Variants in FAM199X observed in about 807,000 individuals in gnomAD.
The protein encoded by FAM199X is family with sequence similarity 199, X-linked, also known as protein FAM199X.
Under a neutral mutation model 22.9 loss-of-function variants are expected in FAM199X, and 4 were observed. The observed-to-expected ratio is 0.17, with a 90% CI of 0.09 to 0.40. FAM199X has a LOEUF of 0.40. Among genes scored for constraint, FAM199X ranks in the 10% least tolerant of loss-of-function variants. The pLI is 1.00. For missense variants in FAM199X, 183 were observed against 306.8 expected (o/e 0.60, Z 3.01); for synonymous variants, 101 against 112.3 (o/e 0.90, Z 0.64).
chrX:104,182,567 C>G (rs1243210480), intron 2 of FAM199X, among the ~76,000 whole-genome samples: 1 of 111,597 alleles, frequency 9.0e-6, no homozygotes, highest in Non-Finnish European at 1.9e-5. Flanking sequence ...CTGTGTTAAT[C>G]ATATTGACAT....
upstream of FAM199X, among the ~76,000 whole-genome samples, chrX:104,163,095 T>TACAC (rs35140355): frequency 0.019 from 1,789 of 95,392 alleles, 18 homozygotes; most frequent in African/African-American, 0.031. Context: ...CTCAGCTAAA[T>TACAC]ACACACACAC....
chrX:104,186,352 G>A, intron 3 of FAM199X, 108 bp from the exon 4 acceptor site: 3 of 1,075,753 alleles, frequency 2.8e-6, no homozygotes, highest in South Asian at 2.2e-5. Context: ...GTTTTTCAGG[G>A]AACAAATATA....
chrX:104,195,241 CA>C lies in FAM199X; in HGVS notation c.*5464del, dbSNP rs1476005754. On this transcript the variant is annotated 3_prime_UTR_variant, in exon 6 of 6. Coordinates refer to ENST00000493442, the MANE Select transcript of FAM199X (RefSeq NM_207318.4). Reference sequence around the variant, plus strand: ...ACCCTGAGTTGTTACACAGCCCACTCACTGCTGCTTACTACTTTATACTTCT... The same window carrying C: ...ACCCTGAGTTGTTACACAGCCCACTCCTGCTGCTTACTACTTTATACTTCT... The C allele has an allele frequency of 1.8e-5, 2 of 111,247 alleles. No homozygotes were observed. The highest frequency in any genetic ancestry group is 3.8e-5 in the Non-Finnish European group (2 of 53,024). 9.2% of individuals were successfully genotyped at this position (111,247 alleles called of 1,213,427 possible).
At chrX:104,177,408 A>G (rs1430465899) in intron 2 of FAM199X, among the ~76,000 whole-genome samples, 1 of 112,235 alleles carries the variant, frequency 8.9e-6, no homozygotes, top group African/African-American at 3.2e-5. Context: ...GCTGTTATAA[A>G]TAATACTGCT....
At chrX:104,164,538 C>T (rs782075489), upstream of FAM199X, among the ~76,000 whole-genome samples, 2 of 111,187 alleles carry the variant, frequency 1.8e-5, no homozygotes, top group South Asian at 7.6e-4. Flanking sequence ...CATTAGACTC[C>T]GCTTTAAAAA....
At chrX:104,157,077 C>A in the FAM199X span, 3 of 108,737 alleles carry the variant, frequency 2.8e-5, no homozygotes, top group Non-Finnish European at 5.7e-5. Context: ...TTAACCGTTT[C>A]GCGACTACGT....
At position 104,193,681 on chromosome X, in the gene FAM199X, T is replaced by C. The variant is rs1471079686; in HGVS notation, c.*3903T>C. 1.8e-5 allele frequency: 2 copies of C among 112,078 alleles called. No homozygotes were observed. Among genetic ancestry groups the C allele is most frequent in the African/African-American group, 3.2e-5 (1 of 30,956 alleles). 9.2% of individuals were successfully genotyped at this position (112,078 alleles called of 1,213,427 possible). On this transcript the variant is annotated 3_prime_UTR_variant, in exon 6 of 6. Transcript: ENST00000493442. ...TGTTGATGTTGAGGGCACTGACTCA[T>C]TCAGCATGTCTGAACTAGAAGTAAA...
At chrX:104,178,837 T>C (rs2147893310) in intron 2 of FAM199X, among the ~76,000 whole-genome samples, 1 of 111,950 alleles carries the variant, frequency 8.9e-6, no homozygotes, top group South Asian at 3.7e-4. Flanking sequence ...CCCACTTTGC[T>C]GTTCATTATA....
rs1179387013 is a variant in FAM199X at position 104,167,315 on chromosome X, CCT to C, written c.197+334_197+335del. Reference sequence around the variant, plus strand: ...CCCACCCTTGATTTTTAGATACGCCCCTGTTTGCATCCATCTGCAAAAGTTTA... The same window carrying C: ...CCCACCCTTGATTTTTAGATACGCCCGTTTGCATCCATCTGCAAAAGTTTA... On this transcript the variant is annotated intron_variant, in intron 1 of 5. Coordinates refer to ENST00000493442, the MANE Select transcript of FAM199X (RefSeq NM_207318.4). Among the ~76,000 whole-genome samples the C allele has an allele frequency of 8.6e-5, 9 of 104,342 alleles. 2 individuals are homozygous for C. Among genetic ancestry groups the C allele is most frequent in the Admixed American group, 3.1e-4 (3 of 9,754 alleles). 90.6% of individuals were successfully genotyped at this position (104,342 alleles called of 115,157 possible).
chrX:104,173,388 A>G (rs1253374094), intron 1 of FAM199X, among the ~76,000 whole-genome samples: 3 of 111,695 alleles, frequency 2.7e-5, no homozygotes, highest in African/African-American at 6.5e-5. Flanking sequence ...TCTACTTTCT[A>G]TTTACTGAAT....
chrX:104,158,486 C>T, the FAM199X span, among the ~76,000 whole-genome samples: 2 of 112,035 alleles, frequency 1.8e-5, no homozygotes, highest in African/African-American at 6.5e-5. Context: ...TATTTTAGGA[C>T]AGTACAATGA....
At chrX:104,174,337 G>A (rs1278404543) in intron 1 of FAM199X, among the ~76,000 whole-genome samples, 1 of 109,322 alleles carries the variant, frequency 9.1e-6, no homozygotes, top group Admixed American at 9.7e-5. Context: ...TGTCCTATAA[G>A]ATAGGTAAAA....
At chrX:104,178,678 G>A (rs987990415) in intron 2 of FAM199X, among the ~76,000 whole-genome samples, 2 of 111,639 alleles carry the variant, frequency 1.8e-5, no homozygotes, top group Non-Finnish European at 1.9e-5. Context: ...GCACCCTTTC[G>A]AAAATGAATT....
At chrX:104,160,343 A>T in the FAM199X span, among the ~76,000 whole-genome samples, 1 of 113,022 alleles carries the variant, frequency 8.8e-6, no homozygotes, top group Non-Finnish European at 1.9e-5. Flanking sequence ...AGAAATGAAG[A>T]TATATCTGTT....
rs1556381328 is a variant in FAM199X at position 104,195,195 on chromosome X, A to G, written c.*5417A>G. On this transcript the variant is annotated 3_prime_UTR_variant, in exon 6 of 6. Transcript: ENST00000493442. ...GTTGTTTTGGTTAAGAACTCTTATAATATATTATTTCTTTTGATGTACCCT... is the reference window on the plus strand; with the variant it reads ...GTTGTTTTGGTTAAGAACTCTTATAGTATATTATTTCTTTTGATGTACCCT... 1.8e-5 allele frequency: 2 copies of G among 110,888 alleles called. No individual in the cohort carries two copies. Among genetic ancestry groups the G allele is most frequent in the Non-Finnish European group, 3.8e-5 (2 of 52,924 alleles). 9.1% of individuals were successfully genotyped at this position (110,888 alleles called of 1,213,427 possible).
At chrX:104,175,466 ATATTT>A (rs1386592013) in intron 1 of FAM199X, among the ~76,000 whole-genome samples, 152 bp from the exon 2 acceptor site, 2 of 112,063 alleles carry the variant, frequency 1.8e-5, no homozygotes, top group African/African-American at 6.5e-5. Flanking sequence ...TCATTCATAA[ATATTT>A]TAGTATATTT....
the FAM199X span, among the ~76,000 whole-genome samples, chrX:104,160,291 C>G: frequency 8.9e-6 from 1 of 112,550 alleles, no homozygotes; most frequent in African/African-American, 3.2e-5. Flanking sequence ...TTCCTGAAAT[C>G]TACTGTCTTG....
intron 1 of FAM199X, among the ~76,000 whole-genome samples, chrX:104,169,705 C>A (rs1481291102): frequency 1.8e-5 from 2 of 111,764 alleles, no homozygotes; most frequent in Non-Finnish European, 3.8e-5. Flanking sequence ...GTAGCTGGGA[C>A]TATAGGCGTG....
In FAM199X at chrX:104,190,728, T is replaced by C. The variant is rs1192536763; in HGVS notation, c.*950T>C. 3 of 111,406 alleles carry C rather than the reference T, an allele frequency of 2.7e-5. No homozygotes were observed. The highest frequency in any genetic ancestry group is 5.7e-5 in the Non-Finnish European group (3 of 53,046). 9.2% of individuals were successfully genotyped at this position (111,406 alleles called of 1,213,427 possible). On this transcript the variant is annotated 3_prime_UTR_variant, in exon 6 of 6. Coordinates refer to ENST00000493442, the MANE Select transcript of FAM199X (RefSeq NM_207318.4). ...TCAGCACAGCTCTAATTTTTAAATA[T>C]TTGGTATAACAGCTTCTGGCATGTG...
Sources: allele counts gnomAD v4.1 joint callset (sites outside exome capture counted in the v4.1 genomes callset), GRCh38; gene constraint gnomAD v4.1.1; transcripts MANE v1.5; gene names NCBI Gene and HGNC (gene_info 2026-07-23, HGNC 2026-07-21).